The following ECE1 variants were observed in gnomAD, a reference collection of about 807,000 sequenced individuals.
ECE1 encodes endothelin-converting enzyme 1.
A neutral mutation model predicts 98.6 loss-of-function variants in ECE1; 35 were observed. That is an observed-to-expected ratio of 0.35 (90% CI 0.27 to 0.47). The LOEUF (loss-of-function observed/expected upper bound fraction) is 0.47. Among genes scored for constraint, ECE1 ranks in the 20% least tolerant of loss-of-function variants. ECE1 has a pLI of 1.00. For missense variants in ECE1, 814 were observed against 1,025.3 expected (o/e 0.79, Z 2.81); for synonymous variants, 394 against 407.1 (o/e 0.97, Z 0.39).
intron 1 of ECE1, among the ~76,000 whole-genome samples, chr1:21,314,219 C>G (rs1042062934): frequency 6.6e-6 from 1 of 152,224 alleles, no homozygotes; most frequent in East Asian, 1.9e-4. Context: ...AACCCAATTT[C>G]TACCCGATAC....
At position 21,257,373 on chromosome 1, in the gene ECE1, C is replaced by T. The variant is rs28367986; in HGVS notation, c.828+152G>A. 0.016 allele frequency: 12,603 copies of T among 811,104 alleles called. 839 individuals carry two copies. In the African/African-American group the frequency reaches 0.16, roughly 10 times the overall value. 50.2% of individuals were successfully genotyped at this position (811,104 alleles called of 1,614,324 possible). ...AGTGACACAGCCAGCCTAGGGGTGTCCCTCCCCTGCCAGGGTCTGCCTGTT... is the reference window on the plus strand; with the variant it reads ...AGTGACACAGCCAGCCTAGGGGTGTTCCTCCCCTGCCAGGGTCTGCCTGTT... On this transcript the variant is annotated intron_variant, in intron 7 of 18. Transcript: ENST00000374893.
At chr1:21,283,651 G>A (rs1460504044) in intron 2 of ECE1, among the ~76,000 whole-genome samples, 1 of 152,214 alleles carries the variant, frequency 6.6e-6, no homozygotes. Flanking sequence ...AAGGCAAGGA[G>A]AGAGGAGAGA....
chr1:21,248,717 C>A (rs2098207659), intron 8 of ECE1, among the ~76,000 whole-genome samples: 1 of 151,352 alleles, frequency 6.6e-6, no homozygotes. Context: ...CTCCGCCTCC[C>A]AGGTTCAAGC....
chr1:21,344,858 C>G (rs1558442312), intron 1 of ECE1: 1 of 152,856 alleles, frequency 6.5e-6, no homozygotes, highest in African/African-American at 2.4e-5. Flanking sequence ...GATCAGCAGT[C>G]CCAGAGGGCC....
chr1:21,280,352 G>A (rs940592514), intron 2 of ECE1, among the ~76,000 whole-genome samples: 3 of 152,216 alleles, frequency 2.0e-5, no homozygotes, highest in African/African-American at 4.8e-5. Context: ...AGCCCAGCAG[G>A]GAGGCAGATA....
Position 21,307,322 on chromosome 1 carries a change from C to T in ECE1, c.4-17166G>A, listed in dbSNP as rs1244386859. The stretch of plus-strand genomic sequence containing the variant: ...GTGGAAGATAGATCTCAAGGTCAGA[C>T]ACATTTGGCTGCTTAGCAGCTGTGT... On this transcript the variant is annotated intron_variant, in intron 1 of 18. Transcript: ENST00000415912. The surrounding 1 kb of genome is among the most constrained non-coding windows in gnomAD (Gnocchi z 4.2). Among the ~76,000 whole-genome samples the T allele has an allele frequency of 6.6e-6, 1 of 152,170 alleles. No individual in the cohort carries two copies. The highest frequency in any genetic ancestry group is 1.9e-4 in the East Asian group (1 of 5,188).
intron 8 of ECE1, among the ~76,000 whole-genome samples, chr1:21,252,573 G>C (rs907271990): frequency 5.3e-5 from 8 of 152,236 alleles, no homozygotes; most frequent in Admixed American, 1.3e-4. Context: ...GAGGGTCCTA[G>C]AAAGGAAGGG....
intron 11 of ECE1, 61 bp downstream of exon 11, chr1:21,238,073 G>A: frequency 6.7e-7 from 1 of 1,493,920 alleles, no homozygotes; most frequent in Non-Finnish European, 9.3e-7. Context: ...TGAACTGGCA[G>A]GTCTGTGCAG....
chr1:21,227,793 T>A (rs1465599288), intron 15 of ECE1, 138 bp downstream of exon 15: 1 of 671,692 alleles, frequency 1.5e-6, no homozygotes, highest in South Asian at 1.8e-5. Flanking sequence ...AGGATGTTGC[T>A]TCCTCTGCAA....
At chr1:21,231,272 C>T (rs2098181409) in intron 14 of ECE1, among the ~76,000 whole-genome samples, 1 of 152,198 alleles carries the variant, frequency 6.6e-6, no homozygotes, top group African/African-American at 2.4e-5. Flanking sequence ...ATGGGTACCA[C>T]ATTTCCTCTA....
chr1:21,303,477 T>C (rs1347442228), intron 1 of ECE1, among the ~76,000 whole-genome samples: 2 of 152,232 alleles, frequency 1.3e-5, no homozygotes, highest in Non-Finnish European at 2.9e-5. Flanking sequence ...TTACAAGGAT[T>C]ACATGACTTA....
chr1:21,341,946 A>T (rs993021174), intron 1 of ECE1, among the ~76,000 whole-genome samples: 1 of 151,880 alleles, frequency 6.6e-6, no homozygotes. Context: ...ACTCCCTCAC[A>T]TTCTTAATAG....
Position 21,287,974 on chromosome 1 carries a change from CAAT to C in ECE1, c.138+2093_138+2095del, listed in dbSNP as rs532262192. ...TTTACACTGGGGAAAAAAAAAAAAA[CAAT>C]GATTGAAAACATTCAATTAATAGAA... On this transcript the variant is annotated intron_variant, in intron 2 of 18. Coordinates refer to ENST00000374893, the MANE Select transcript of ECE1 (RefSeq NM_001397.3). Among the ~76,000 whole-genome samples, 280 of 142,550 alleles carry C rather than the reference CAAT, an allele frequency of 2.0e-3. 2 individuals carry two copies. The highest frequency in any genetic ancestry group is 3.3e-3 in the Non-Finnish European group (214 of 65,810). 93.5% of individuals were successfully genotyped at this position (142,550 alleles called of 152,430 possible).
chr1:21,270,579 C>T (rs1182330923), intron 4 of ECE1, among the ~76,000 whole-genome samples: 1 of 152,196 alleles, frequency 6.6e-6, no homozygotes, highest in African/African-American at 2.4e-5. Context: ...CAGCTTCCAC[C>T]CTGCAGGATC....
chr1:21,290,012 AGC>A lies in ECE1; in HGVS notation c.138+56_138+57del. 9.9e-7 allele frequency: 1 copy of A among 1,010,858 alleles called. No individual in the cohort carries two copies. Among genetic ancestry groups the A allele is most frequent in the Non-Finnish European group, 1.2e-6 (1 of 826,076 alleles). 62.6% of individuals were successfully genotyped at this position (1,010,858 alleles called of 1,614,324 possible). A position where few individuals can be genotyped will look rare whatever the true frequency, so the allele number is the denominator to read the frequency against. The stretch of plus-strand genomic sequence containing the variant: ...TAGGGGCGGGGGGCGCGGCAGCGGC[AGC>A]GCGCATGCCCGGGCCCGGGGCGCCT... On this transcript the variant is annotated intron_variant, in intron 2 of 18. Transcript: ENST00000374893. This position sits in a 1 kb window ranked among gnomAD's most constrained non-coding sequence, Gnocchi z 7.3.
chr1:21,257,464 TGGACACGGAGCAGGAA>T, intron 7 of ECE1, 45 bp downstream of exon 7: 1 of 1,581,008 alleles, frequency 6.3e-7, no homozygotes, highest in Non-Finnish European at 8.7e-7. Flanking sequence ...GGTGTGGGTG[TGGACACGGAGCAGGAA>T]GGACCGTGCT....
At chr1:21,244,836 G>A (rs908856660) in intron 10 of ECE1, among the ~76,000 whole-genome samples, 153 bp downstream of exon 10, 4 of 152,110 alleles carry the variant, frequency 2.6e-5, no homozygotes, top group Admixed American at 2.6e-4. Flanking sequence ...GAGTGGCTAG[G>A]ACTCCTCTTT....
intron 8 of ECE1, among the ~76,000 whole-genome samples, chr1:21,248,346 G>A (rs893815792): frequency 1.3e-5 from 2 of 152,120 alleles, no homozygotes; most frequent in South Asian, 2.1e-4. Flanking sequence ...CTTAATTTTC[G>A]TATTTTTAGT....
At chr1:21,321,371 A>G (rs759570557) in intron 1 of ECE1, among the ~76,000 whole-genome samples, 1 of 152,214 alleles carries the variant, frequency 6.6e-6, no homozygotes, top group Non-Finnish European at 1.5e-5. Flanking sequence ...TGTGAATAAC[A>G]TAAGAGGAAT....
Sources: gnomAD v4.1 joint callset for allele counts (sites outside exome capture counted in the v4.1 genomes callset) on GRCh38, gnomAD v4.1.1 for gene constraint, Gnocchi (gnomAD v3.1) non-coding constraint, MANE v1.5 for transcripts, NCBI Gene and HGNC (gene_info 2026-07-23, HGNC 2026-07-21) for gene names.